The following SUCLA2 variants were observed in gnomAD, a reference collection of about 807,000 sequenced individuals.
The protein encoded by SUCLA2 is succinate-CoA ligase ADP-forming subunit beta.
A neutral mutation model predicts 54.8 loss-of-function variants in SUCLA2; 30 were observed. The observed-to-expected ratio is 0.55, with a 90% CI of 0.41 to 0.74. The LOEUF (loss-of-function observed/expected upper bound fraction) is 0.74. Among genes scored for constraint, SUCLA2 ranks in the 30% least tolerant of loss-of-function variants. The pLI, the probability that SUCLA2 is intolerant of heterozygous loss-of-function variation, is 0.00. For missense variants in SUCLA2, 476 were observed against 562.9 expected (o/e 0.85, Z 1.56); for synonymous variants, 172 against 188.9 (o/e 0.91, Z 0.74).
At chr13:47,989,941 CTTCT>C (rs1447971359) in intron 2 of SUCLA2, among the ~76,000 whole-genome samples, 1 of 152,176 alleles carries the variant, frequency 6.6e-6, no homozygotes, top group African/African-American at 2.4e-5. Context: ...CTGAATTTTT[CTTCT>C]TTAACAGGTA....
At chr13:47,966,779 C>G (rs1949922956) in intron 6 of SUCLA2, among the ~76,000 whole-genome samples, 1 of 150,512 alleles carries the variant, frequency 6.6e-6, no homozygotes, top group African/African-American at 2.4e-5. Context: ...ACTTCAGGAG[C>G]TGAGGTAAGA....
At chr13:47,953,627 T>C (rs938088854) in intron 8 of SUCLA2, among the ~76,000 whole-genome samples, 2 of 152,160 alleles carry the variant, frequency 1.3e-5, no homozygotes, top group Non-Finnish European at 2.9e-5. Context: ...TAAATATTGA[T>C]TAATGACCTA....
intron 10 of SUCLA2, among the ~76,000 whole-genome samples, chr13:47,943,905 G>T (rs976022138): frequency 5.3e-5 from 8 of 151,674 alleles, no homozygotes; most frequent in Non-Finnish European, 7.4e-5. Context: ...TAAAATGTTG[G>T]GATAGAAATT....
At position 47,948,256 on chromosome 13, in the gene SUCLA2, T is replaced by C. The variant is rs559294007; in HGVS notation, c.1317+684A>G. On this transcript the variant is annotated intron_variant, in intron 10 of 10. Transcript: ENST00000646932. Reference sequence around the variant, plus strand: ...CCGTTGTTTAAGATGATCACAGATATAAGACGTTCTGACAAAGATTCTCTC... The same window carrying C: ...CCGTTGTTTAAGATGATCACAGATACAAGACGTTCTGACAAAGATTCTCTC... Among the ~76,000 whole-genome samples, 82 of 152,310 alleles carry C rather than the reference T, an allele frequency of 5.4e-4. No individual in the cohort carries two copies. In the Middle Eastern group the frequency reaches 0.01, roughly 19 times the overall value.
chr13:47,981,171 G>C (rs1243544201), intron 4 of SUCLA2, among the ~76,000 whole-genome samples: 1 of 152,050 alleles, frequency 6.6e-6, no homozygotes, highest in African/African-American at 2.4e-5. Context: ...TCTACAAAAT[G>C]AGAGAAAATA....
intron 4 of SUCLA2, among the ~76,000 whole-genome samples, chr13:47,980,699 G>A (rs1950054495): frequency 2.0e-5 from 3 of 151,528 alleles, no homozygotes; most frequent in African/African-American, 7.2e-5. Flanking sequence ...TATATTACAA[G>A]GTTACAGTTA....
chr13:47,948,357 ATGCGTGCATGTGTGTG>A (rs1186349028), intron 10 of SUCLA2, among the ~76,000 whole-genome samples: 37 of 151,990 alleles, frequency 2.4e-4, no homozygotes, highest in Admixed American at 7.9e-4. Context: ...ATACATACAT[ATGCGTGCATGTGTGTG>A]TGCGTGCATG....
At chr13:47,958,882 G>A (rs1949843574) in intron 6 of SUCLA2, among the ~76,000 whole-genome samples, 1 of 152,168 alleles carries the variant, frequency 6.6e-6, no homozygotes, top group African/African-American at 2.4e-5. Flanking sequence ...TGTTTAAAAT[G>A]AAAGAACTGA....
At chr13:47,945,232 A>G (rs1244814208) in intron 10 of SUCLA2, among the ~76,000 whole-genome samples, 1 of 143,038 alleles carries the variant, frequency 7.0e-6, no homozygotes, top group Non-Finnish European at 1.5e-5. Context: ...CTGGGCAACA[A>G]GACCAAAACT....
intron 5 of SUCLA2, among the ~76,000 whole-genome samples, chr13:47,970,645 A>C (rs142843773): frequency 0.028 from 4,223 of 152,024 alleles, 158 homozygotes; most frequent in Admixed American, 0.1. Flanking sequence ...GCAGATCATG[A>C]AGTTAGGAGT....
Position 48,001,204 on chromosome 13 carries a change from C to T in SUCLA2, c.66G>A (p.Arg22=). Residue 22 remains arginine, a synonymous_variant, in exon 1 of 11, where the codon CGG becomes CGA. Coordinates refer to ENST00000646932, the MANE Select transcript of SUCLA2 (RefSeq NM_003850.3). ...AVATLRNHRP[R]TAQRAAAQVL... ...CCTGAGCAGCAGCCCGCTGGGCCGT[C>T]CGAGGCCGGTGGTTCCGAAGGGTGG... is the stretch of plus-strand genomic sequence containing the variant. 1.9e-6 allele frequency: 3 copies of T among 1,609,650 alleles called. No individual in the cohort carries two copies. The highest frequency in any genetic ancestry group is 2.5e-6 in the Non-Finnish European group (3 of 1,178,712).
intron 4 of SUCLA2, among the ~76,000 whole-genome samples, chr13:47,981,409 T>C (rs1950059447): frequency 6.6e-6 from 1 of 152,018 alleles, no homozygotes; most frequent in South Asian, 2.1e-4. Context: ...AAAACCACAG[T>C]GAAATATAAT....
Position 47,943,312 on chromosome 13 carries a change from C to T in SUCLA2, c.*59G>A. 1 of 1,480,254 alleles carries T rather than the reference C, an allele frequency of 6.8e-7. No individual in the cohort carries two copies. Among genetic ancestry groups the T allele is most frequent in the African/African-American group, 1.4e-5 (1 of 72,308 alleles). The allele number at this position is 1,480,254 out of a possible 1,614,324, so 91.7% of individuals were successfully genotyped here. Reference sequence around the variant, plus strand: ...AGAAAAAGAACAATAACACAGAACACAGTATTCTTAATGATTATAGCACAT... The same window carrying T: ...AGAAAAAGAACAATAACACAGAACATAGTATTCTTAATGATTATAGCACAT... On this transcript the variant is annotated 3_prime_UTR_variant, in exon 11 of 11. Transcript: ENST00000646932.
At position 47,989,341 on chromosome 13, in the gene SUCLA2, G is replaced by T. The variant is rs541592087; in HGVS notation, c.272-360C>A. ...TTCTCCTGCCTCAGCCTCCCGAGTA[G>T]CTGGGACTACAGGCGCCCGCCACCA... On this transcript the variant is annotated intron_variant, in intron 2 of 10. Coordinates refer to ENST00000646932, the MANE Select transcript of SUCLA2 (RefSeq NM_003850.3). Among the ~76,000 whole-genome samples, 27 of 151,998 alleles carry T rather than the reference G, an allele frequency of 1.8e-4. 1 individual carries two copies. In the South Asian group the frequency reaches 5.4e-3, roughly 30 times the overall value.
At chr13:47,958,803 A>T (rs1321529536) in intron 6 of SUCLA2, among the ~76,000 whole-genome samples, 1 of 152,226 alleles carries the variant, frequency 6.6e-6, no homozygotes, top group Non-Finnish European at 1.5e-5. Flanking sequence ...AGATTATAAA[A>T]TGGTTAATAA....
intron 6 of SUCLA2, among the ~76,000 whole-genome samples, chr13:47,959,037 G>A (rs1370573323): frequency 6.6e-6 from 1 of 152,144 alleles, no homozygotes; most frequent in East Asian, 1.9e-4. Context: ...TAAAAATTGT[G>A]GAACTGTTCT....
chr13:47,949,189 G>A (rs1949757795), intron 9 of SUCLA2, among the ~76,000 whole-genome samples, 161 bp from the exon 10 acceptor site: 1 of 152,070 alleles, frequency 6.6e-6, no homozygotes, highest in Non-Finnish European at 1.5e-5. Flanking sequence ...AAAAGCCCAG[G>A]TTATCTTATA....
Position 47,972,939 on chromosome 13 carries a change from C to T in SUCLA2, c.663+325G>A, listed in dbSNP as rs1302995878. ...ATTTTTTTTGTATTTTTAGTAGAGACGGGGGTTTCACCATATTGGCCAGGC... is the reference window on the plus strand; with the variant it reads ...ATTTTTTTTGTATTTTTAGTAGAGATGGGGGTTTCACCATATTGGCCAGGC... On this transcript the variant is annotated intron_variant, in intron 5 of 10. Transcript: ENST00000646932. Among the ~76,000 whole-genome samples, 11 of 151,214 alleles carry T rather than the reference C, an allele frequency of 7.3e-5. No homozygotes were observed. In the South Asian group the frequency reaches 1.0e-3, roughly 14 times the overall value.
chr13:47,958,352 T>G (rs1424616612), intron 6 of SUCLA2, among the ~76,000 whole-genome samples: 1 of 152,162 alleles, frequency 6.6e-6, no homozygotes, highest in Non-Finnish European at 1.5e-5. Context: ...TTTTCATTTG[T>G]GTGTGTGTAT....
Sources: gnomAD v4.1 joint callset for allele counts (sites outside exome capture counted in the v4.1 genomes callset) on GRCh38, gnomAD v4.1.1 for gene constraint, MANE v1.5 for transcripts, NCBI Gene and HGNC (gene_info 2026-07-23, HGNC 2026-07-21) for gene names.